Variants in CYP39A1 observed in about 807,000 individuals in gnomAD.
CYP39A1 encodes cytochrome P450 family 39 subfamily A member 1, also known as 24-hydroxycholesterol 7-alpha-hydroxylase.
A neutral mutation model predicts 58.1 loss-of-function variants in CYP39A1; 49 were observed. The ratio of observed to expected loss-of-function variants is 0.84; its 90% CI spans 0.67 to 1.07. CYP39A1 has a LOEUF of 1.07. Ranked by LOEUF, CYP39A1 falls within the 50% of genes least tolerant of loss-of-function variation. The pLI, the probability that CYP39A1 is intolerant of heterozygous loss-of-function variation, is 0.00. For synonymous variants in CYP39A1, 209 were observed against 187.6 expected, an observed-to-expected ratio of 1.11 and a Z score of -0.93; for missense variants, 531 against 539.4, an observed-to-expected ratio of 0.98 and a Z score of 0.16.
At chr6:46,591,824 T>C (rs1772855147) in intron 8 of CYP39A1, among the ~76,000 whole-genome samples, 1 of 152,130 alleles carries the variant, frequency 6.6e-6, no homozygotes, top group South Asian at 2.1e-4. Flanking sequence ...TTATCCTACA[T>C]TAAATTATTA....
chr6:46,637,313 T>C (rs901622640), intron 4 of CYP39A1, among the ~76,000 whole-genome samples: 4 of 152,226 alleles, frequency 2.6e-5, no homozygotes, highest in African/African-American at 9.6e-5. Context: ...CAGTCTATGA[T>C]ACTTTGTTAT....
intron 10 of CYP39A1, among the ~76,000 whole-genome samples, chr6:46,579,806 A>G (rs1772024294): frequency 6.6e-6 from 1 of 152,134 alleles, no homozygotes; most frequent in South Asian, 2.1e-4. Flanking sequence ...AGGGAGGTAA[A>G]ATATATTTAA....
intron 8 of CYP39A1, among the ~76,000 whole-genome samples, chr6:46,589,225 G>A (rs892596585): frequency 5.3e-5 from 8 of 152,018 alleles, no homozygotes; most frequent in South Asian, 2.1e-4. Context: ...GGCCTTGGTC[G>A]GAGGATCCTT....
intron 6 of CYP39A1, 29 bp from the exon 7 acceptor site, chr6:46,625,537 A>G: frequency 6.5e-7 from 1 of 1,538,318 alleles, no homozygotes; most frequent in Non-Finnish European, 9.0e-7. Flanking sequence ...TATCAAAAAT[A>G]TGAACTTCTT....
At chr6:46,608,670 A>T (rs1364803202) in intron 7 of CYP39A1, among the ~76,000 whole-genome samples, 2 of 151,732 alleles carry the variant, frequency 1.3e-5, no homozygotes, top group African/African-American at 4.8e-5. Context: ...GCTAGAGTGC[A>T]GTGGCACAAT....
intron 7 of CYP39A1, among the ~76,000 whole-genome samples, chr6:46,600,526 C>T (rs981095967): frequency 6.6e-5 from 10 of 152,116 alleles, no homozygotes; most frequent in Non-Finnish European, 1.5e-4. Context: ...ATTGGAACTG[C>T]CAGCCCCATT....
chr6:46,552,915 G>A (rs1201594138), intron 11 of CYP39A1, among the ~76,000 whole-genome samples: 2 of 151,968 alleles, frequency 1.3e-5, no homozygotes, highest in South Asian at 2.1e-4. Context: ...AGGCATGGTG[G>A]TGTGCGCCTG....
At chr6:46,568,406 A>G (rs564515930) in intron 10 of CYP39A1, among the ~76,000 whole-genome samples, 1 of 152,224 alleles carries the variant, frequency 6.6e-6, no homozygotes, top group South Asian at 2.1e-4. Flanking sequence ...AAATTTTCAT[A>G]AAGTCCAATT....
At chr6:46,575,598 G>T (rs1250059944) in intron 10 of CYP39A1, among the ~76,000 whole-genome samples, 2 of 149,644 alleles carry the variant, frequency 1.3e-5, no homozygotes. Context: ...GCATCCCCCT[G>T]TCCCCACCTC....
At chr6:46,645,362 G>A (rs1247244831) in intron 1 of CYP39A1, among the ~76,000 whole-genome samples, 1 of 152,038 alleles carries the variant, frequency 6.6e-6, no homozygotes, top group Non-Finnish European at 1.5e-5. Flanking sequence ...TGTTGGGGGT[G>A]GTTCTTTGTT....
intron 10 of CYP39A1, among the ~76,000 whole-genome samples, chr6:46,559,772 T>G (rs1331726761): frequency 3.3e-5 from 5 of 152,192 alleles, no homozygotes; most frequent in South Asian, 2.1e-4. Flanking sequence ...CTTTTCTCTC[T>G]TCTCCTTTGA....
chr6:46,567,996 TA>T (rs34700611), intron 10 of CYP39A1, among the ~76,000 whole-genome samples: 17,067 of 75,946 alleles, frequency 0.22, 969 homozygotes, highest in African/African-American at 0.33. Context: ...CATTTTTTTT[TA>T]AAAAAAAAAC....
At chr6:46,583,460 T>A in intron 10 of CYP39A1, 4 of 985,406 alleles carry the variant, frequency 4.1e-6, no homozygotes, top group Non-Finnish European at 4.8e-6. Flanking sequence ...CTCCGTCTTA[T>A]TCCTCCATTT....
chr6:46,629,107 C>T (rs766189866), intron 6 of CYP39A1, among the ~76,000 whole-genome samples: 1 of 152,180 alleles, frequency 6.6e-6, no homozygotes, highest in Admixed American at 6.5e-5. Context: ...TCTCCAGGAT[C>T]TCTGCCTGCT....
chr6:46,560,184 G>T (rs1212162345), intron 10 of CYP39A1, among the ~76,000 whole-genome samples: 1 of 152,116 alleles, frequency 6.6e-6, no homozygotes, highest in Non-Finnish European at 1.5e-5. Flanking sequence ...GTATTGAGAT[G>T]GGAAGCTACT....
intron 10 of CYP39A1, among the ~76,000 whole-genome samples, chr6:46,562,838 G>T (rs898080966): frequency 6.6e-6 from 1 of 151,994 alleles, no homozygotes; most frequent in Non-Finnish European, 1.5e-5. Flanking sequence ...TCTTAAAAAT[G>T]ATAAAACTAC....
chr6:46,552,663 G>A (rs2150475219), intron 11 of CYP39A1, among the ~76,000 whole-genome samples: 1 of 152,206 alleles, frequency 6.6e-6, no homozygotes, highest in South Asian at 2.1e-4. Flanking sequence ...TTTACCCAAA[G>A]TTTTCACATG....
intron 7 of CYP39A1, among the ~76,000 whole-genome samples, chr6:46,619,560 G>C (rs1582415088): frequency 6.6e-6 from 1 of 151,988 alleles, no homozygotes. Flanking sequence ...TTTAGATGGG[G>C]TAAGACTAAA....
chr6:46,652,740 A>G lies in CYP39A1; in HGVS notation c.-158T>C. On this transcript the variant is annotated 5_prime_UTR_variant, in exon 1 of 12. Transcript: ENST00000275016. ...AACTGTAGCTTCCTTCCTCTGTCCC[A>G]GTTTTCAGGTGATTTTTCCATTGTC... The G allele has an allele frequency of 3.2e-6, 2 of 615,634 alleles. No individual in the cohort carries two copies. The highest frequency in any genetic ancestry group is 5.4e-6 in the Non-Finnish European group (2 of 372,592). 38.1% of individuals were successfully genotyped at this position (615,634 alleles called of 1,614,324 possible).
Sources: allele counts gnomAD v4.1 joint callset (sites outside exome capture counted in the v4.1 genomes callset), GRCh38; gene constraint gnomAD v4.1.1; transcripts MANE v1.5; gene names NCBI Gene and HGNC (gene_info 2026-07-23, HGNC 2026-07-21).